The following NSUN3 variants were observed in gnomAD, a reference collection of about 807,000 sequenced individuals.
The protein encoded by NSUN3 is tRNA (cytosine(34)-C(5))-methyltransferase, mitochondrial.
NSUN3 carries 24 observed loss-of-function variants against 36.8 expected under a neutral mutation model. The observed-to-expected ratio is 0.65, with a 90% confidence interval of 0.47 to 0.92. NSUN3 has a LOEUF of 0.92. Ranked by LOEUF, NSUN3 falls within the 40% of genes least tolerant of loss-of-function variation. NSUN3 has a pLI of 0.00. For synonymous variants in NSUN3, 146 were observed against 145.2 expected, an observed-to-expected ratio of 1.01 and a Z score of -0.04; for missense variants, 381 against 392.8, an observed-to-expected ratio of 0.97 and a Z score of 0.25.
chr3:94,118,967 C>T (rs1010341259), intron 5 of NSUN3, among the ~76,000 whole-genome samples: 3 of 152,138 alleles, frequency 2.0e-5, no homozygotes, highest in African/African-American at 7.2e-5. Flanking sequence ...TTTGCTCCCC[C>T]AAACAACCCT....
intron 5 of NSUN3, among the ~76,000 whole-genome samples, chr3:94,122,684 T>A (rs1258688332): frequency 2.6e-5 from 4 of 152,238 alleles, no homozygotes; most frequent in East Asian, 1.9e-4. Flanking sequence ...TTTATTCTTT[T>A]AAAAAAATAA....
intron 2 of NSUN3, among the ~76,000 whole-genome samples, 186 bp downstream of exon 2, chr3:94,064,732 G>T (rs1245940754): frequency 6.6e-6 from 1 of 152,142 alleles, no homozygotes; most frequent in Non-Finnish European, 1.5e-5. Flanking sequence ...TTGGAAAGGG[G>T]AAATAAAACT....
chr3:94,089,278 C>A (rs1041529566), intron 3 of NSUN3, among the ~76,000 whole-genome samples: 1 of 152,146 alleles, frequency 6.6e-6, no homozygotes, highest in Admixed American at 6.5e-5. Context: ...CAGGCGATGA[C>A]TTAGCTGTTA....
intron 5 of NSUN3, among the ~76,000 whole-genome samples, chr3:94,117,853 A>T (rs761293310): frequency 2.0e-5 from 3 of 152,200 alleles, no homozygotes; most frequent in Non-Finnish European, 4.4e-5. Context: ...TTTAAACCTG[A>T]TCAGCACTTT....
intron 3 of NSUN3, chr3:94,085,154 C>T (rs527728681): frequency 2.0e-5 from 3 of 151,974 alleles, no homozygotes; most frequent in Non-Finnish European, 4.4e-5. Context: ...ATTGGACAAT[C>T]CAAAAAGTCT....
chr3:94,110,623 C>G (rs1307965119), intron 5 of NSUN3, among the ~76,000 whole-genome samples: 1 of 152,004 alleles, frequency 6.6e-6, no homozygotes, highest in Non-Finnish European at 1.5e-5. Context: ...TATATAGTCT[C>G]TCTTCCACGA....
chr3:94,095,391 G>C (rs987517345), intron 5 of NSUN3, among the ~76,000 whole-genome samples: 1 of 152,146 alleles, frequency 6.6e-6, no homozygotes, highest in African/African-American at 2.4e-5. Flanking sequence ...GTCTTTTAAA[G>C]GGCATAGGCA....
Position 94,130,410 on chromosome 3 carries a change from G to A in NSUN3, c.*3920G>A, listed in dbSNP as rs184139672. 7.9e-5 allele frequency among the ~76,000 whole-genome samples: 12 copies of A among 152,286 alleles called. No individual in the cohort carries two copies. The East Asian group carries it at 2.3e-3, about 29-fold the overall frequency. The stretch of plus-strand genomic sequence containing the variant: ...GATAATGAAATCTTGCATAATGTCT[G>A]CATTTTTCCATTGATTGGAGTGCAT... On this transcript the variant is annotated 3_prime_UTR_variant, in exon 6 of 6. Transcript: ENST00000314622.
At chr3:94,108,332 T>C (rs1413928963) in intron 5 of NSUN3, among the ~76,000 whole-genome samples, 1 of 152,212 alleles carries the variant, frequency 6.6e-6, no homozygotes, top group Non-Finnish European at 1.5e-5. Context: ...TGCCTCTTAA[T>C]AAAGGTAGCA....
At chr3:94,064,672 G>A in intron 2 of NSUN3, 126 bp downstream of exon 2, 1 of 580,400 alleles carries the variant, frequency 1.7e-6, no homozygotes. Flanking sequence ...TTTTCCTACT[G>A]AAGCTATAGA....
intron 4 of NSUN3, among the ~76,000 whole-genome samples, chr3:94,094,790 T>G (rs2077330748): frequency 6.6e-6 from 1 of 152,180 alleles, no homozygotes. Context: ...CTAGTAAACT[T>G]TAATTCTCCC....
intron 5 of NSUN3, among the ~76,000 whole-genome samples, chr3:94,095,701 T>C (rs1449526246): frequency 6.6e-6 from 1 of 152,110 alleles, no homozygotes; most frequent in Non-Finnish European, 1.5e-5. Flanking sequence ...TATGCCCTAC[T>C]CCCATGTAAT....
At chr3:94,067,538 A>G (rs2077210177) in intron 2 of NSUN3, among the ~76,000 whole-genome samples, 1 of 152,188 alleles carries the variant, frequency 6.6e-6, no homozygotes, top group Non-Finnish European at 1.5e-5. Context: ...TCTTTTTAAA[A>G]AAATTCTCTA....
chr3:94,074,879 T>A (rs1242402982), intron 2 of NSUN3, among the ~76,000 whole-genome samples: 1 of 152,218 alleles, frequency 6.6e-6, no homozygotes, highest in Non-Finnish European at 1.5e-5. Flanking sequence ...TCTTGTCTTG[T>A]GCTGGTTTTC....
In NSUN3 at chr3:94,095,142, T is replaced by A. The variant is rs767826605; in HGVS notation, c.731T>A (p.Ile244Lys). ...SQRRNLPLLQ[I>K]ELLRSAIKAL... ...AGGAGGAATTTGCCTCTTCTACAGA[T>A]AGAGCTGTTAAGGTAAGGACTGTTA... Residue 244 changes from isoleucine (I) to lysine (K), a missense_variant, in exon 5 of 6, where the codon ATA becomes AAA. Ile to Lys is a moderately radical substitution (Grantham distance 102). Transcript: ENST00000314622. 2 of 1,613,712 alleles carry A rather than the reference T, an allele frequency of 1.2e-6. No homozygotes were observed. The highest frequency in any genetic ancestry group is 2.2e-5 in the South Asian group (2 of 91,074).
At position 94,067,154 on chromosome 3, in the gene NSUN3, A is replaced by G. The variant is rs117659161; in HGVS notation, c.122+2608A>G. ...ATCATATATACGTGACCAAGCCCCA[A>G]TAAAAAGTGGATACCAAGGCTTTGG... On this transcript the variant is annotated intron_variant, in intron 2 of 5. Transcript: ENST00000314622. Among the ~76,000 whole-genome samples the G allele has an allele frequency of 7.6e-4, 115 of 152,300 alleles. 4 individuals carry two copies. The East Asian group carries it at 0.021, about 28-fold the overall frequency.
At chr3:94,091,302 T>G (rs182380869) in intron 3 of NSUN3, among the ~76,000 whole-genome samples, 1 of 152,122 alleles carries the variant, frequency 6.6e-6, no homozygotes, top group East Asian at 1.9e-4. Context: ...CAGAAATATA[T>G]TCAGTCAATA....
intron 5 of NSUN3, among the ~76,000 whole-genome samples, chr3:94,096,479 CTTCT>C (rs1181503807): frequency 6.6e-6 from 1 of 151,412 alleles, no homozygotes; most frequent in African/African-American, 2.4e-5. Context: ...TTTGATTTGG[CTTCT>C]TTGTTTTTTT....
chr3:94,068,082 A>G (rs2077212203), intron 2 of NSUN3, among the ~76,000 whole-genome samples: 1 of 152,036 alleles, frequency 6.6e-6, no homozygotes, highest in South Asian at 2.1e-4. Context: ...CCACCTCTGC[A>G]TCTTGTAGCA....
Sources: gnomAD v4.1 joint callset for allele counts (sites outside exome capture counted in the v4.1 genomes callset) on GRCh38, gnomAD v4.1.1 for gene constraint, MANE v1.5 for transcripts, NCBI Gene and HGNC (gene_info 2026-07-23, HGNC 2026-07-21) for gene names.